The following PHF3 variants were observed in gnomAD, a reference collection of about 807,000 sequenced individuals.
PHF3 encodes PHD finger protein 3.
PHF3 carries 41 observed loss-of-function variants against 178.4 expected under a neutral mutation model. The observed-to-expected ratio is 0.23, with a 90% CI of 0.18 to 0.30. The LOEUF is 0.30. PHF3 is among the 10% of genes least tolerant of loss of function. The pLI, the probability that PHF3 is intolerant of heterozygous loss-of-function variation, is 1.00. For synonymous variants in PHF3, 842 were observed against 800.5 expected, an observed-to-expected ratio of 1.05 and a Z score of -0.88; for missense variants, 2,346 against 2,398.1, an observed-to-expected ratio of 0.98 and a Z score of 0.45.
chr6:63,657,308 T>C (rs1429672231), intron 2 of PHF3, among the ~76,000 whole-genome samples: 4 of 152,146 alleles, frequency 2.6e-5, no homozygotes, highest in African/African-American at 4.8e-5. Flanking sequence ...TCTTGAATAA[T>C]GTGGGATTTA....
chr6:63,685,320 A>T lies in PHF3; in HGVS notation c.1598A>T (p.Asp533Val). The T allele has an allele frequency of 6.2e-7, 1 of 1,614,120 alleles. No homozygotes were observed. Among genetic ancestry groups the T allele is most frequent in the Non-Finnish European group, 8.5e-7 (1 of 1,179,994 alleles). Residue 533 changes from aspartate (D) to valine (V), a missense_variant, in exon 4 of 16, where the codon GAT becomes GTT. This residue lies in a region of PHF3 where 843 missense variants were observed against 795.2 expected (regional missense o/e 1.06). Transcript: ENST00000262043. ...GTCAAAAGTGTGAAACGAAATACTGATGTACCAGAATCTCAGCAAAATTTT... is the reference window on the plus strand; with the variant it reads ...GTCAAAAGTGTGAAACGAAATACTGTTGTACCAGAATCTCAGCAAAATTTT... ...VNVKSVKRNT[D>V]VPESQQNFHR...
chr6:63,662,231 G>A (rs866880684), intron 2 of PHF3, among the ~76,000 whole-genome samples: 7 of 152,284 alleles, frequency 4.6e-5, no homozygotes, highest in Non-Finnish European at 7.4e-5. Context: ...GGCCACTGCT[G>A]TAGAGGACAG....
chr6:63,708,605 T>C (rs1217661332), intron 13 of PHF3, among the ~76,000 whole-genome samples: 1 of 152,222 alleles, frequency 6.6e-6, no homozygotes, highest in Non-Finnish European at 1.5e-5. Flanking sequence ...CTGAATAAAG[T>C]TTTAAATATT....
At chr6:63,658,567 CT>C (rs1765333257) in intron 2 of PHF3, among the ~76,000 whole-genome samples, 1 of 151,974 alleles carries the variant, frequency 6.6e-6, no homozygotes, top group African/African-American at 2.4e-5. Context: ...ATGTTTATTT[CT>C]TTTATGGTGT....
At chr6:63,650,877 T>C (rs1214198100) in intron 2 of PHF3, among the ~76,000 whole-genome samples, 1 of 152,050 alleles carries the variant, frequency 6.6e-6, no homozygotes, top group Non-Finnish European at 1.5e-5. Context: ...TCTAGTGAAA[T>C]TCAGTTTTCA....
chr6:63,641,986 T>C (rs1764596596), intron 1 of PHF3, among the ~76,000 whole-genome samples: 1 of 152,170 alleles, frequency 6.6e-6, no homozygotes, highest in African/African-American at 2.4e-5. Context: ...TTGCGTTCTA[T>C]TAATACTTGA....
At chr6:63,662,435 G>A (rs959167006) in intron 2 of PHF3, among the ~76,000 whole-genome samples, 5 of 152,214 alleles carry the variant, frequency 3.3e-5, no homozygotes, top group East Asian at 3.9e-4. Context: ...GATTTTTCTC[G>A]CTGTTTTCTT....
chr6:63,685,718 C>G lies in PHF3; in HGVS notation c.1996C>G (p.Pro666Ala). Residue 666 changes from proline (P) to alanine (A), a missense_variant, in exon 4 of 16, where the codon CCT becomes GCT. By Grantham distance (27) the Pro-to-Ala change is conservative. Transcript: ENST00000262043. Reference sequence around the variant, plus strand: ...AGAGGATAAACTGAAACTGAAAAAACCTGAGAAGAACCTACAACCCCGCCA... The same window carrying G: ...AGAGGATAAACTGAAACTGAAAAAAGCTGAGAAGAACCTACAACCCCGCCA... ...KEEDKLKLKK[P>A]EKNLQPRQRR... is the part of the protein sequence containing the mutation. 6.2e-7 allele frequency: 1 copy of G among 1,614,004 alleles called. No homozygotes were observed. Among genetic ancestry groups the G allele is most frequent in the Non-Finnish European group, 8.5e-7 (1 of 1,179,998 alleles).
chr6:63,712,784 A>G lies in PHF3; in HGVS notation c.5196A>G (p.Gln1732=), dbSNP rs571582383. The G allele has an allele frequency of 1.2e-6, 2 of 1,614,034 alleles. No individual in the cohort carries two copies. Among genetic ancestry groups the G allele is most frequent in the African/African-American group, 1.3e-5 (1 of 75,040 alleles). Residue 1732 remains glutamine, a synonymous_variant, in exon 16 of 16, where the codon CAA becomes CAG. Coordinates refer to ENST00000262043, the MANE Select transcript of PHF3 (RefSeq NM_001370348.2). ...SPSVENIQTS[Q]AEQAKPLQED... Reference sequence around the variant, plus strand: ...CAGTAGAAAACATACAGACTTCTCAAGCAGAACAAGCAAAACCCTTACAGG... The same window carrying G: ...CAGTAGAAAACATACAGACTTCTCAGGCAGAACAAGCAAAACCCTTACAGG...
chr6:63,675,205 T>G (rs1175174058), intron 2 of PHF3, among the ~76,000 whole-genome samples: 1 of 152,116 alleles, frequency 6.6e-6, no homozygotes, highest in East Asian at 1.9e-4. Context: ...CAGAACCATT[T>G]GGGGTTAAAT....
At position 63,646,931 on chromosome 6, in the gene PHF3, C is replaced by T. The variant is rs1237802136; in HGVS notation, c.244+136C>T. ...AGGGTAGTAAATTTAGGGTTATTTC[C>T]TTTGAATTTAGAGCTTCTTTTCCAG... On this transcript the variant is annotated intron_variant, in intron 2 of 15. Transcript: ENST00000262043. 13 of 569,108 alleles carry T rather than the reference C, an allele frequency of 2.3e-5. No homozygotes were observed. In the Middle Eastern group the frequency reaches 1.6e-3, roughly 69 times the overall value. The allele number at this position is 569,108 out of a possible 1,614,324, so 35.3% of individuals were successfully genotyped here.
At chr6:63,685,973 G>A (rs1211783727) in intron 4 of PHF3, 62 bp downstream of exon 4, 1 of 1,147,266 alleles carries the variant, frequency 8.7e-7, no homozygotes, top group South Asian at 1.4e-5. Context: ...TTTTGGGGGT[G>A]GGATTAATGT....
At chr6:63,664,204 G>T (rs1228411513) in intron 2 of PHF3, among the ~76,000 whole-genome samples, 3 of 152,206 alleles carry the variant, frequency 2.0e-5, no homozygotes, top group Non-Finnish European at 4.4e-5. Flanking sequence ...ACCCAGGTTT[G>T]ACTACTAGGC....
In PHF3 at chr6:63,713,524, G is replaced by C; in HGVS notation, c.5936G>C (p.Arg1979Pro). 1 of 1,613,592 alleles carries C rather than the reference G, an allele frequency of 6.2e-7. No individual in the cohort carries two copies. Among genetic ancestry groups the C allele is most frequent in the East Asian group, 2.2e-5 (1 of 44,764 alleles). ...AGGGCACGGTTATCACATGGTGATC[G>C]AGGAACAGATGGAAAAGCAAGCAGA... is the stretch of plus-strand genomic sequence containing the variant. ...KERARLSHGD[R>P]GTDGKASRDS... The change falls in exon 16 of 16, where the codon CGA (arginine) becomes CCA (proline). Residue 1979 changes from arginine to proline, a missense_variant. By Grantham distance (103) the Arg-to-Pro change is moderately radical (BLOSUM62 -2). This residue lies in a region of PHF3 where 839 missense variants were observed against 806.9 expected (regional missense o/e 1.04). Transcript: ENST00000262043.
At chr6:63,708,591 T>C (rs563938890) in intron 13 of PHF3, among the ~76,000 whole-genome samples, 5 of 152,226 alleles carry the variant, frequency 3.3e-5, no homozygotes, top group Admixed American at 6.5e-5. Flanking sequence ...AAAATAGGAA[T>C]GTACTGAATA....
intron 2 of PHF3, among the ~76,000 whole-genome samples, chr6:63,677,519 A>G (rs1004944739): frequency 6.6e-6 from 1 of 152,134 alleles, no homozygotes; most frequent in African/African-American, 2.4e-5. Context: ...TGACCTTTGG[A>G]TTTGGCTTGC....
At chr6:63,682,474 C>T (rs191468486) in intron 3 of PHF3, among the ~76,000 whole-genome samples, 5 of 152,132 alleles carry the variant, frequency 3.3e-5, no homozygotes, top group Admixed American at 6.5e-5. Flanking sequence ...TTCTTCCTTG[C>T]CTTTTGGACT....
At chr6:63,703,729 G>T in intron 11 of PHF3, 58 bp downstream of exon 11, 1 of 1,488,488 alleles carries the variant, frequency 6.7e-7, no homozygotes, top group Non-Finnish European at 9.2e-7. Flanking sequence ...AGGATACTTA[G>T]ATACTAGTAT....
chr6:63,688,485 G>A (rs1377214234), intron 4 of PHF3, among the ~76,000 whole-genome samples: 1 of 149,652 alleles, frequency 6.7e-6, no homozygotes, highest in African/African-American at 2.5e-5. Context: ...ACGGGCAAAT[G>A]CCACCATGCC....
Sources: gnomAD v4.1 joint callset for allele counts (sites outside exome capture counted in the v4.1 genomes callset) on GRCh38, gnomAD v4.1.1 for gene constraint, gnomAD v4.1.1 regional missense constraint, MANE v1.5 for transcripts, NCBI Gene and HGNC (gene_info 2026-07-23, HGNC 2026-07-21) for gene names.